HOMER3: variants seen among roughly 807,000 people sequenced by gnomAD.
HOMER3 encodes the protein homer scaffold protein 3.
HOMER3 carries 34 observed loss-of-function variants against 45.5 expected under a neutral mutation model. The ratio of observed to expected loss-of-function variants is 0.75; its 90% confidence interval spans 0.57 to 1.00. The LOEUF (loss-of-function observed/expected upper bound fraction) is 1.00. HOMER3 is among the 50% of genes least tolerant of loss of function. The probability of loss-of-function intolerance (pLI) is 0.00; values close to 1 mark genes in which losing one functional copy is unlikely to be tolerated. For missense variants in HOMER3, 480 were observed against 497.5 expected, an observed-to-expected ratio of 0.96 and a Z score of 0.33; for synonymous variants, 223 against 208.8, an observed-to-expected ratio of 1.07 and a Z score of -0.58.
Position 18,929,393 on chromosome 19 carries a change from G to A in HOMER3, c.*50C>T. 1 of 1,567,510 alleles carries A rather than the reference G, an allele frequency of 6.4e-7. No homozygotes were observed. The highest frequency in any genetic ancestry group is 8.7e-7 in the Non-Finnish European group (1 of 1,153,944). ...AATGGGCCCAACTATGCCGCCTGCA[G>A]CCTGGCCCGCATCCCAGGCCGGAAT... is the stretch of plus-strand genomic sequence containing the variant. On this transcript the variant is annotated 3_prime_UTR_variant, in exon 10 of 10. Coordinates refer to ENST00000392351, the MANE Select transcript of HOMER3 (RefSeq NM_004838.4).
Position 18,932,146 on chromosome 19 carries a change from A to G in HOMER3, c.534-14T>C, listed in dbSNP as rs1601275455. 3 of 1,195,828 alleles carry G rather than the reference A, an allele frequency of 2.5e-6. No homozygotes were observed. Among genetic ancestry groups the G allele is most frequent in the Middle Eastern group, 3.6e-4 (1 of 2,760 alleles). 74.1% of individuals were successfully genotyped at this position (1,195,828 alleles called of 1,614,324 possible). A position where few individuals can be genotyped will look rare whatever the true frequency, so the allele number is the denominator to read the frequency against. On this transcript the variant is annotated splice_polypyrimidine_tract_variant and intron_variant, in intron 6 of 9. Transcript: ENST00000392351. Reference sequence around the variant, plus strand: ...TCGCCCACGGAGCTGCAGAGACACGAGGGTCGGCAGTGGGTGACACGGGGC... The same window carrying G: ...TCGCCCACGGAGCTGCAGAGACACGGGGGTCGGCAGTGGGTGACACGGGGC...
intron 9 of HOMER3, among the ~76,000 whole-genome samples, chr19:18,930,551 C>T (rs1176977430): frequency 5.3e-5 from 8 of 150,432 alleles, no homozygotes; most frequent in African/African-American, 1.7e-4. Flanking sequence ...AAAAAGTACC[C>T]CCTGAACATT....
chr19:18,938,469 T>C lies in HOMER3; in HGVS notation c.187A>G (p.Thr63Ala), dbSNP rs1235854199. The change falls in exon 4 of 10, where the codon ACT (threonine) becomes GCT (alanine). Residue 63 changes from threonine (T) to alanine (A), a missense_variant. Transcript: ENST00000392351. ...GTGAAGGTCATGTTGGGAGTGACAG[T>C]GCTGTTGATGATGGCCTAGGGTCGG... The part of the protein sequence containing the change: ...IGGAKAIINS[T>A]VTPNMTFTKT... 6.2e-7 allele frequency: 1 copy of C among 1,613,792 alleles called. No individual in the cohort carries two copies. Among genetic ancestry groups the C allele is most frequent in the Non-Finnish European group, 8.5e-7 (1 of 1,179,772 alleles).
intron 4 of HOMER3, among the ~76,000 whole-genome samples, chr19:18,935,885 T>C (rs1407236937): frequency 7.0e-6 from 1 of 142,642 alleles, no homozygotes; most frequent in African/African-American, 2.5e-5. Context: ...CCAGGCATGG[T>C]GGTGGGCGCC....
chr19:18,932,907 CAAGTCCCG>C lies in HOMER3; in HGVS notation c.533+9_533+16del. 1 of 1,377,468 alleles carries C rather than the reference CAAGTCCCG, an allele frequency of 7.3e-7. No individual in the cohort carries two copies. 85.3% of individuals were successfully genotyped at this position (1,377,468 alleles called of 1,614,324 possible). A position where few individuals can be genotyped will look rare whatever the true frequency, so the allele number is the denominator to read the frequency against. The stretch of plus-strand genomic sequence containing the variant: ...CCTACCCCCGCCCCTGCCACGCCCC[CAAGTCCCG>C]CCCCTCACCCCTCAGACAACATCTT... On this transcript the variant is annotated intron_variant, in intron 6 of 9. Coordinates refer to ENST00000392351, the MANE Select transcript of HOMER3 (RefSeq NM_004838.4).
chr19:18,936,717 C>T (rs868254135), intron 4 of HOMER3, among the ~76,000 whole-genome samples: 2 of 150,526 alleles, frequency 1.3e-5, no homozygotes, highest in South Asian at 2.1e-4. Flanking sequence ...GGGCCGGGCG[C>T]GGTGGCTCAC....
chr19:18,940,619 C>T (rs556372083), intron 1 of HOMER3: 6 of 152,304 alleles, frequency 3.9e-5, no homozygotes, highest in East Asian at 3.9e-4. Context: ...CCTCCTCCAA[C>T]CCCAGGTCGG....
In HOMER3 at chr19:18,931,409, C is replaced by G. The variant is rs145974189; in HGVS notation, c.810G>C (p.Glu270Asp). 2 of 1,614,022 alleles carry G rather than the reference C, an allele frequency of 1.2e-6. No homozygotes were observed. Among genetic ancestry groups the G allele is most frequent in the African/African-American group, 2.7e-5 (2 of 74,948 alleles). ...LEALVQTKDQ[E>D]IQTLKSQTGG... ...CAGTCTGACTCTTCAGGGTCTGAATCTCCTAGAGGAGAAGAGTTCCCAGGG... is the reference window on the plus strand; with the variant it reads ...CAGTCTGACTCTTCAGGGTCTGAATGTCCTAGAGGAGAAGAGTTCCCAGGG... Residue 270 changes from glutamate to aspartate, a missense_variant and splice_region_variant, in exon 9 of 10, where the codon GAG becomes GAC. Transcript: ENST00000392351.
At chr19:18,933,097 G>A (rs566299057) in intron 5 of HOMER3, 52 bp from the exon 6 acceptor site, 5 of 1,428,840 alleles carry the variant, frequency 3.5e-6, no homozygotes, top group East Asian at 5.6e-5. Flanking sequence ...TGGGATCAAG[G>A]CTGATGTGAC....
At chr19:18,933,494 A>G (rs2057060723) in intron 5 of HOMER3, among the ~76,000 whole-genome samples, 1 of 152,178 alleles carries the variant, frequency 6.6e-6, no homozygotes, top group Non-Finnish European at 1.5e-5. Context: ...CTGAGGGTAG[A>G]CAAGCTGGCG....
intron 4 of HOMER3, among the ~76,000 whole-genome samples, chr19:18,935,160 G>GT (rs2057079293): frequency 6.8e-6 from 1 of 147,810 alleles, no homozygotes; most frequent in Non-Finnish European, 1.5e-5. Flanking sequence ...TTTGGGGGGG[G>GT]ACAGAATCTC....
rs984439088 is a variant in HOMER3, at chr19:18,929,381, A to T, written c.*62T>A. The T allele has an allele frequency of 6.4e-7, 1 of 1,557,728 alleles. No homozygotes were observed. The highest frequency in any genetic ancestry group is 8.7e-7 in the Non-Finnish European group (1 of 1,144,606). ...CTTTCCAGGACGAATGGGCCCAACT[A>T]TGCCGCCTGCAGCCTGGCCCGCATC... is the stretch of plus-strand genomic sequence containing the variant. On this transcript the variant is annotated 3_prime_UTR_variant, in exon 10 of 10. Transcript: ENST00000392351.
intron 4 of HOMER3, among the ~76,000 whole-genome samples, chr19:18,935,587 T>C (rs1475935640): frequency 6.6e-6 from 1 of 152,206 alleles, no homozygotes; most frequent in Non-Finnish European, 1.5e-5. Context: ...AATCATCTCA[T>C]TCTTGTTTTT....
At chr19:18,931,651 G>A (rs745510533) in intron 7 of HOMER3, 26 bp from the exon 8 acceptor site, 2 of 1,572,426 alleles carry the variant, frequency 1.3e-6, no homozygotes, top group East Asian at 2.2e-5. Flanking sequence ...AGCAGCCCCT[G>A]ACGCCCCCGC....
chr19:18,930,840 C>G (rs1018214274), intron 9 of HOMER3, among the ~76,000 whole-genome samples: 3 of 152,062 alleles, frequency 2.0e-5, no homozygotes, highest in Admixed American at 2.0e-4. Context: ...AACCCTGTCT[C>G]TACTAAAAAT....
rs1449229399 is a variant in HOMER3, at chr19:18,931,360, C to G, written c.859G>C (p.Ala287Pro). ...QTGGPREALE[A>P]AEREETQQKV... Reference sequence around the variant, plus strand: ...TGCTGAGTCTCCTCACGCTCGGCAGCCTCCAGGGCCTCGCGGGGCCCCCCA... The same window carrying G: ...TGCTGAGTCTCCTCACGCTCGGCAGGCTCCAGGGCCTCGCGGGGCCCCCCA... The change falls in exon 9 of 10, where the codon GCT becomes CCT. Residue 287 changes from alanine to proline, a missense_variant. Transcript: ENST00000392351. 1.9e-6 allele frequency: 3 copies of G among 1,614,052 alleles called. No homozygotes were observed. Among genetic ancestry groups the G allele is most frequent in the Non-Finnish European group, 2.5e-6 (3 of 1,180,036 alleles).
rs1360177887 is a variant in HOMER3, at chr19:18,932,993, AAC to A, written c.462_463del (p.Phe155ProfsTer6). On this transcript the variant is annotated frameshift_variant, in exon 6 of 10. Coordinates refer to ENST00000392351, the MANE Select transcript of HOMER3 (RefSeq NM_004838.4). LOFTEE classifies it high-confidence loss of function. ...GGGGGCATCAGCGCTCTGGCTGCGG[AAC>A]AGTTTTTCCTCGCCGGGGCCGTTGG... The A allele has an allele frequency of 2.7e-6, 4 of 1,466,836 alleles. No individual in the cohort carries two copies. Among genetic ancestry groups the A allele is most frequent in the Non-Finnish European group, 1.8e-6 (2 of 1,111,836 alleles). 90.9% of individuals were successfully genotyped at this position (1,466,836 alleles called of 1,614,324 possible).
In HOMER3 at chr19:18,931,187, C is replaced by T. The variant is rs57853476; in HGVS notation, c.894+138G>A. ...AAACTGTACCAACAGCCACTGTTCA[C>T]GCGGCACCTGCTGGGCATCAGGCCT... On this transcript the variant is annotated intron_variant, in intron 9 of 9. Coordinates refer to ENST00000392351, the MANE Select transcript of HOMER3 (RefSeq NM_004838.4). 2.9e-3 allele frequency: 2,055 copies of T among 704,290 alleles called. 18 individuals carry two copies. In the African/African-American group the frequency reaches 0.029, roughly 10 times the overall value. The allele number at this position is 704,290 out of a possible 1,614,324, so 43.6% of individuals were successfully genotyped here. A position where few individuals can be genotyped will look rare whatever the true frequency, so the allele number is the denominator to read the frequency against.
At chr19:18,938,929 TAGAA>T in intron 2 of HOMER3, 36 bp downstream of exon 2, 2 of 1,608,446 alleles carry the variant, frequency 1.2e-6, no homozygotes, top group East Asian at 2.2e-5. Flanking sequence ...CACCCCCACT[TAGAA>T]AGCTCAGGGC....
Sources: allele counts gnomAD v4.1 joint callset (sites outside exome capture counted in the v4.1 genomes callset), GRCh38; gene constraint gnomAD v4.1.1; transcripts MANE v1.5; gene names NCBI Gene and HGNC (gene_info 2026-07-23, HGNC 2026-07-21).